RHOBTB1: variants seen among roughly 807,000 people sequenced by gnomAD.
RHOBTB1 encodes Rho related BTB domain containing 1.
A neutral mutation model predicts 71.6 loss-of-function variants in RHOBTB1; 40 were observed. That is an observed-to-expected ratio of 0.56 (90% CI 0.43 to 0.73). The LOEUF is 0.73. RHOBTB1 is among the 30% of genes least tolerant of loss of function. RHOBTB1 has a pLI of 0.00. For synonymous variants in RHOBTB1, 319 were observed against 334.9 expected (o/e 0.95, Z 0.52); for missense variants, 797 against 894.0 (o/e 0.89, Z 1.38).
intron 1 of RHOBTB1, among the ~76,000 whole-genome samples, chr10:60,943,199 T>C (rs1001475893): frequency 4.6e-5 from 7 of 152,230 alleles, no homozygotes; most frequent in African/African-American, 1.4e-4. Flanking sequence ...CTTCTAACTT[T>C]CTGGCTTGTC....
intron 2 of RHOBTB1, among the ~76,000 whole-genome samples, chr10:60,969,410 T>C (rs940255787): frequency 1.3e-5 from 2 of 152,020 alleles, no homozygotes; most frequent in African/African-American, 4.8e-5. Context: ...CCTGGGTTTG[T>C]AAAACATTAA....
intron 2 of RHOBTB1, among the ~76,000 whole-genome samples, chr10:60,926,092 C>T (rs2083865698): frequency 6.6e-6 from 1 of 152,050 alleles, no homozygotes; most frequent in Non-Finnish European, 1.5e-5. Context: ...CAAATATTAG[C>T]CAGGTGTGGT....
intron 1 of RHOBTB1, among the ~76,000 whole-genome samples, chr10:60,995,851 A>T (rs2087029925): frequency 6.6e-6 from 1 of 152,198 alleles, no homozygotes; most frequent in Non-Finnish European, 1.5e-5. Context: ...CAAGATAAAA[A>T]AAAAAATCAG....
Position 60,953,187 on chromosome 10 carries a change from C to T in RHOBTB1, c.-61-11333G>A, listed in dbSNP as rs950659169. ...TATGGACAACATGGGTAAGGTTAGC[C>T]TCCTCGTGAGTGTATCGTTTGTTCT... On this transcript the variant is annotated intron_variant, in intron 2 of 11. Transcript: ENST00000357917. Among the ~76,000 whole-genome samples, 6 of 152,254 alleles carry T rather than the reference C, an allele frequency of 3.9e-5. No homozygotes were observed. In the East Asian group the frequency reaches 1.2e-3, roughly 29 times the overall value.
At chr10:60,942,040 T>A (rs1195168230) in intron 1 of RHOBTB1, among the ~76,000 whole-genome samples, 186 bp from the exon 2 acceptor site, 2 of 151,990 alleles carry the variant, frequency 1.3e-5, no homozygotes, top group Non-Finnish European at 2.9e-5. Context: ...CTGAAATAGC[T>A]AGGTTAACAT....
chr10:60,886,281 T>G (rs1348346862), intron 6 of RHOBTB1, 51 bp from the exon 7 acceptor site: 1 of 1,388,314 alleles, frequency 7.2e-7, no homozygotes, highest in Non-Finnish European at 1.0e-6. Context: ...GCTGAGAGCT[T>G]CAACCAAGGC....
intron 2 of RHOBTB1, among the ~76,000 whole-genome samples, chr10:60,913,497 T>C (rs186445519): frequency 6.6e-6 from 1 of 152,348 alleles, no homozygotes; most frequent in East Asian, 1.9e-4. Flanking sequence ...TTTAAACTTC[T>C]ATGGTTTTCT....
chr10:60,902,078 C>T (rs1442731421), intron 4 of RHOBTB1, among the ~76,000 whole-genome samples: 2 of 152,202 alleles, frequency 1.3e-5, no homozygotes, highest in Non-Finnish European at 2.9e-5. Flanking sequence ...AAGGCTGGGT[C>T]AGGCATAGGA....
intron 8 of RHOBTB1, 118 bp downstream of exon 8, chr10:60,877,790 G>T: frequency 1.1e-6 from 1 of 940,082 alleles, no homozygotes; most frequent in Non-Finnish European, 1.6e-6. Flanking sequence ...TTCTACACAA[G>T]ACAGTCCTAT....
In RHOBTB1 at chr10:60,880,220, A is replaced by T. The variant is rs1369646433; in HGVS notation, c.1576-2162T>A. Among the ~76,000 whole-genome samples, 78 of 124,658 alleles carry T rather than the reference A, an allele frequency of 6.3e-4. 1 individual carries two copies. Among genetic ancestry groups the T allele is most frequent in the Non-Finnish European group, 7.4e-4 (43 of 57,978 alleles). 81.8% of individuals were successfully genotyped at this position (124,658 alleles called of 152,430 possible). On this transcript the variant is annotated intron_variant, in intron 7 of 10. Transcript: ENST00000337910. ...GTGTGTGTGAGAGAGAGAGAGAGAG[A>T]GAGAGAGAGAGAGAGAGAGACAGAG... is the stretch of plus-strand genomic sequence containing the variant.
intron 1 of RHOBTB1, among the ~76,000 whole-genome samples, chr10:60,997,795 A>AT (rs2087109381): frequency 6.6e-6 from 1 of 152,210 alleles, no homozygotes; most frequent in Non-Finnish European, 1.5e-5. Context: ...TAATGCTGCT[A>AT]CTCAGGATTG....
intron 2 of RHOBTB1, among the ~76,000 whole-genome samples, chr10:60,959,505 C>T (rs951522498): frequency 6.6e-6 from 1 of 152,188 alleles, no homozygotes; most frequent in Non-Finnish European, 1.5e-5. Context: ...ACATCACAGG[C>T]AGCAGTGCTA....
chr10:60,959,014 T>C (rs985461815), intron 2 of RHOBTB1, among the ~76,000 whole-genome samples: 1 of 152,164 alleles, frequency 6.6e-6, no homozygotes, highest in Non-Finnish European at 1.5e-5. Context: ...TCCCAGTATA[T>C]ACAAACAATA....
chr10:60,973,797 G>A (rs1202170573), intron 2 of RHOBTB1, among the ~76,000 whole-genome samples: 2 of 152,004 alleles, frequency 1.3e-5, no homozygotes, highest in Non-Finnish European at 2.9e-5. Flanking sequence ...GCTGACTTGA[G>A]TTATATGTTA....
chr10:60,944,071 G>A lies in RHOBTB1; in HGVS notation c.-162C>T, dbSNP rs908702824. ...AGCAGCCACGGCTGCGCGCGGTCGC[G>A]GGTGTGCGGGGCCCCTGCGCGCGGC... On this transcript the variant is annotated 5_prime_UTR_variant, in exon 1 of 11. Transcript: ENST00000337910. 1 of 151,714 alleles carries A rather than the reference G, an allele frequency of 6.6e-6. No homozygotes were observed. The highest frequency in any genetic ancestry group is 1.5e-5 in the Non-Finnish European group (1 of 67,948). The allele number at this position is 151,714 out of a possible 1,614,324, so 9.4% of individuals were successfully genotyped here. A position where few individuals can be genotyped will look rare whatever the true frequency, so the allele number is the denominator to read the frequency against.
At chr10:60,917,700 T>C (rs2083339318) in intron 2 of RHOBTB1, among the ~76,000 whole-genome samples, 2 of 152,116 alleles carry the variant, frequency 1.3e-5, no homozygotes, top group South Asian at 2.1e-4. Context: ...TACAATCACA[T>C]TGGGGGTTAG....
At chr10:60,944,602 T>G (rs913840610), upstream of RHOBTB1, among the ~76,000 whole-genome samples, 1 of 152,254 alleles carries the variant, frequency 6.6e-6, no homozygotes, top group African/African-American at 2.4e-5. Context: ...CCCGTGCCTT[T>G]GCTGGCCCTT....
chr10:60,896,325 A>T (rs902502011), intron 4 of RHOBTB1, among the ~76,000 whole-genome samples: 3 of 152,240 alleles, frequency 2.0e-5, no homozygotes, highest in African/African-American at 7.2e-5. Flanking sequence ...TTTAAAAATA[A>T]TTGGGAGTGG....
In RHOBTB1 at chr10:60,951,600, G is replaced by A. The variant is rs367780179; in HGVS notation, c.-61-9746C>T. ...ATCACTTAGCTTGTAAACATAAGCCGATGATTCCAGGGATCAGAGGCTAAG... is the reference window on the plus strand; with the variant it reads ...ATCACTTAGCTTGTAAACATAAGCCAATGATTCCAGGGATCAGAGGCTAAG... On this transcript the variant is annotated intron_variant, in intron 2 of 11. Transcript: ENST00000357917. Among the ~76,000 whole-genome samples the A allele has an allele frequency of 9.9e-5, 15 of 152,232 alleles. No individual in the cohort carries two copies. In the East Asian group the frequency reaches 2.5e-3, roughly 25 times the overall value.
Sources: allele counts gnomAD v4.1 joint callset (sites outside exome capture counted in the v4.1 genomes callset), GRCh38; gene constraint gnomAD v4.1.1; transcripts MANE v1.5; gene names NCBI Gene and HGNC (gene_info 2026-07-23, HGNC 2026-07-21).